The following ZNF503 variants were observed in gnomAD, a reference collection of about 807,000 sequenced individuals.
The protein encoded by ZNF503 is zinc finger protein 503, also known as NocA-like zinc finger 2.
A neutral mutation model predicts 34.4 loss-of-function variants in ZNF503; 15 were observed. That is an observed-to-expected ratio of 0.44 (90% confidence interval 0.29 to 0.67). The LOEUF (loss-of-function observed/expected upper bound fraction) is 0.67, where lower values mean the gene tolerates loss of function less well. ZNF503 is among the 30% of genes least tolerant of loss of function. The pLI is 0.13. For synonymous variants in ZNF503, 580 were observed against 456.8 expected (o/e 1.27, Z -3.44); for missense variants, 1,007 against 926.8 (o/e 1.09, Z -1.12).
At chr10:75,303,235 T>C in the ZNF503 span, among the ~76,000 whole-genome samples, 1 of 152,248 alleles carries the variant, frequency 6.6e-6, no homozygotes, top group Non-Finnish European at 1.5e-5. Flanking sequence ...TGCTTGGCTC[T>C]GCCTTGAAAG....
Position 75,400,216 on chromosome 10 carries a change from T to C in ZNF503, c.474A>G (p.Lys158=). The C allele has an allele frequency of 1.9e-6, 3 of 1,606,000 alleles. No homozygotes were observed. Among genetic ancestry groups the C allele is most frequent in the African/African-American group, 1.3e-5 (1 of 74,480 alleles). Reference sequence around the variant, plus strand: ...TGTCGCTCAGCTTCAGGGGGCCCGATTTGGTGTCCTTGTCGCCCGCAGCAC... The same window carrying C: ...TGTCGCTCAGCTTCAGGGGGCCCGACTTGGTGTCCTTGTCGCCCGCAGCAC... ...GGGAAGDKDT[K]SGPLKLSDIG... is the part of the protein sequence containing the mutation. The change falls in exon 2 of 2, where the codon AAA becomes AAG. Residue 158 remains lysine, a synonymous_variant. Coordinates refer to ENST00000372524, the MANE Select transcript of ZNF503 (RefSeq NM_032772.6).
At chr10:75,319,790 GAA>G in the ZNF503 span, among the ~76,000 whole-genome samples, 1 of 152,154 alleles carries the variant, frequency 6.6e-6, no homozygotes, top group East Asian at 1.9e-4. Context: ...TAAAAGGCTA[GAA>G]AATGATGTAT....
the ZNF503 span, among the ~76,000 whole-genome samples, chr10:75,309,356 C>G: frequency 3.9e-5 from 6 of 152,200 alleles, no homozygotes; most frequent in Admixed American, 3.9e-4. Flanking sequence ...GCATTACATG[C>G]TACAGATAAA....
At chr10:75,293,152 AG>A in the ZNF503 span, among the ~76,000 whole-genome samples, 2 of 152,250 alleles carry the variant, frequency 1.3e-5, no homozygotes, top group African/African-American at 4.8e-5. Flanking sequence ...TCGTTGGAGA[AG>A]GGGGCTGTGT....
At chr10:75,308,230 T>C in the ZNF503 span, among the ~76,000 whole-genome samples, 1 of 149,604 alleles carries the variant, frequency 6.7e-6, no homozygotes, top group African/African-American at 2.5e-5. Context: ...TTTCATTATA[T>C]GGAAAAATTG....
the ZNF503 span, among the ~76,000 whole-genome samples, chr10:75,336,589 A>ACAACAC: frequency 2.0e-5 from 3 of 152,142 alleles, no homozygotes; most frequent in Admixed American, 2.0e-4. Flanking sequence ...GCAGCTGAAA[A>ACAACAC]CAACACCGGT....
the ZNF503 span, among the ~76,000 whole-genome samples, chr10:75,349,711 A>G: frequency 6.6e-6 from 1 of 152,238 alleles, no homozygotes; most frequent in Non-Finnish European, 1.5e-5. Flanking sequence ...GTACCACTGG[A>G]AGAAGACCTG....
At chr10:75,355,205 C>T in the ZNF503 span, among the ~76,000 whole-genome samples, 1 of 152,188 alleles carries the variant, frequency 6.6e-6, no homozygotes, top group Non-Finnish European at 1.5e-5. Flanking sequence ...TGCCTATTTT[C>T]TACACGTTAA....
At chr10:75,361,114 G>A in the ZNF503 span, 1 of 152,240 alleles carries the variant, frequency 6.6e-6, no homozygotes, top group Non-Finnish European at 1.5e-5. Flanking sequence ...GACAATATAG[G>A]ATGGGCTTTG....
Position 75,400,045 on chromosome 10 carries a change from C to T in ZNF503, c.645G>A (p.Pro215=), listed in dbSNP as rs569413185. The change falls in exon 2 of 2, where the codon CCG becomes CCA. Residue 215 remains proline, a synonymous_variant. Coordinates refer to ENST00000372524, the MANE Select transcript of ZNF503 (RefSeq NM_032772.6). ...GCGTGAATGGCTGGCAGGTGGCGCTCGGTACCCGGAATCCCGACTTCTCCG... is the reference window on the plus strand; with the variant it reads ...GCGTGAATGGCTGGCAGGTGGCGCTTGGTACCCGGAATCCCGACTTCTCCG... ...VSSEKSGFRV[P]SATCQPFTPR... 6.3e-7 allele frequency: 1 copy of T among 1,593,822 alleles called. No individual in the cohort carries two copies. Among genetic ancestry groups the T allele is most frequent in the East Asian group, 2.3e-5 (1 of 44,154 alleles).
In ZNF503 at chr10:75,399,237, C is replaced by G; in HGVS notation, c.1453G>C (p.Ala485Pro). 6.3e-7 allele frequency: 1 copy of G among 1,588,634 alleles called. No individual in the cohort carries two copies. ...LHGVHSSLTAAAAAGATPPSL... is the reference protein window; with the variant it reads ...LHGVHSSLTAPAAAGATPPSL... The stretch of plus-strand genomic sequence containing the variant: ...GGCGGTGTGGCGCCAGCAGCCGCGG[C>G]GGCCGTTAGCGAGGAGTGCACACCG... The change falls in exon 2 of 2, where the codon GCC becomes CCC. Residue 485 changes from alanine (A) to proline (P), a missense_variant. Physicochemically the swap from Ala to Pro is conservative, Grantham distance 27. Coordinates refer to ENST00000372524, the MANE Select transcript of ZNF503 (RefSeq NM_032772.6).
At chr10:75,333,022 G>C in the ZNF503 span, among the ~76,000 whole-genome samples, 18 of 147,318 alleles carry the variant, frequency 1.2e-4, no homozygotes, top group Non-Finnish European at 2.1e-4. Context: ...TGGCCGGGCA[G>C]AGGGGCTCCT....
chr10:75,315,400 TAATG>T, the ZNF503 span, among the ~76,000 whole-genome samples: 4 of 152,198 alleles, frequency 2.6e-5, no homozygotes, highest in African/African-American at 9.6e-5. Context: ...AATATTTTGT[TAATG>T]AATACAGAAT....
chr10:75,308,064 T>G, the ZNF503 span, among the ~76,000 whole-genome samples: 2 of 152,142 alleles, frequency 1.3e-5, no homozygotes, highest in African/African-American at 4.8e-5. Flanking sequence ...GTGGGCAACA[T>G]AGCAAGACCC....
chr10:75,334,617 C>G, the ZNF503 span, among the ~76,000 whole-genome samples: 1 of 152,166 alleles, frequency 6.6e-6, no homozygotes, highest in African/African-American at 2.4e-5. Context: ...TGTGCTTCAG[C>G]TTTTGCAATG....
At position 75,400,181 on chromosome 10, in the gene ZNF503, T is replaced by C; in HGVS notation, c.509A>G (p.Glu170Gly). 2 of 1,580,074 alleles carry C rather than the reference T, an allele frequency of 1.3e-6. No homozygotes were observed. The highest frequency in any genetic ancestry group is 1.1e-5 in the South Asian group (1 of 87,130). Residue 170 changes from glutamate to glycine, a missense_variant, in exon 2 of 2, where the codon GAG becomes GGG. By Grantham distance (98) the Glu-to-Gly change is moderately conservative. Transcript: ENST00000372524. ...GTACGGCTTGAAACTCGACTTGTCC[T>C]CCACGCCGATGTCGCTCAGCTTCAG... ...GPLKLSDIGVEDKSSFKPYSK... is the reference protein window; with the variant it reads ...GPLKLSDIGVGDKSSFKPYSK...
chr10:75,399,718 G>A lies in ZNF503; in HGVS notation c.972C>T (p.Ser324=), dbSNP rs1367079277. ...CCAACACTGAGGAGGAGGTGGGCGCGCTGGGGCCGGAGCCGGAGCTGGAGC... is the reference window on the plus strand; with the variant it reads ...CCAACACTGAGGAGGAGGTGGGCGCACTGGGGCCGGAGCCGGAGCTGGAGC... The part of the protein sequence containing the change: ...SSGSSSGSGP[S]APTSSSVLGS... Residue 324 remains serine, a synonymous_variant, in exon 2 of 2, where the codon AGC becomes AGT. Transcript: ENST00000372524. 2.5e-6 allele frequency: 4 copies of A among 1,597,468 alleles called. No individual in the cohort carries two copies. The South Asian group carries it at 4.4e-5, about 18-fold the overall frequency.
the ZNF503 span, among the ~76,000 whole-genome samples, chr10:75,376,109 C>T: frequency 1.3e-5 from 2 of 152,264 alleles, no homozygotes; most frequent in South Asian, 4.2e-4. Flanking sequence ...GATTATCAGG[C>T]CTGCTTTGCT....
the ZNF503 span, among the ~76,000 whole-genome samples, chr10:75,362,493 G>C: frequency 6.6e-6 from 1 of 151,778 alleles, no homozygotes; most frequent in Non-Finnish European, 1.5e-5. Flanking sequence ...TCACCCTTTG[G>C]GTCTCTAACT....
Sources: allele counts gnomAD v4.1 joint callset (sites outside exome capture counted in the v4.1 genomes callset), GRCh38; gene constraint gnomAD v4.1.1; transcripts MANE v1.5; gene names NCBI Gene and HGNC (gene_info 2026-07-23, HGNC 2026-07-21).